ARHGEF28: variants seen among roughly 807,000 people sequenced by gnomAD.
The protein encoded by ARHGEF28 is 190 kDa guanine nucleotide exchange factor.
A neutral mutation model predicts 206.6 loss-of-function variants in ARHGEF28; 152 were observed. That is an observed-to-expected ratio of 0.74 (90% CI 0.64 to 0.84). ARHGEF28 has a LOEUF of 0.84. Ranked by LOEUF, ARHGEF28 falls within the 40% of genes least tolerant of loss-of-function variation. ARHGEF28 has a pLI of 0.00. For missense variants in ARHGEF28, 2,028 were observed against 2,073.2 expected, an observed-to-expected ratio of 0.98 and a Z score of 0.42; for synonymous variants, 763 against 776.4, an observed-to-expected ratio of 0.98 and a Z score of 0.29.
Position 73,806,920 on chromosome 5 carries a change from T to C in ARHGEF28, c.1024+11529T>C, listed in dbSNP as rs1286922681. On this transcript the variant is annotated intron_variant, in intron 9 of 35. Transcript: ENST00000513042. Reference sequence around the variant, plus strand: ...ATCTAAATATAAACAATATAAAATCTATATACAATATATAAATCTTTATAT... The same window carrying C: ...ATCTAAATATAAACAATATAAAATCCATATACAATATATAAATCTTTATAT... 2.7e-5 allele frequency among the ~76,000 whole-genome samples: 4 copies of C among 147,556 alleles called. No homozygotes were observed. The East Asian group carries it at 7.8e-4, about 29-fold the overall frequency.
intron 1 of ARHGEF28, among the ~76,000 whole-genome samples, chr5:73,636,556 C>G (rs1223106126): frequency 6.6e-6 from 1 of 152,146 alleles, no homozygotes; most frequent in African/African-American, 2.4e-5. Flanking sequence ...CATTGAAAAA[C>G]AGTCTCTTTA....
rs998980847 is a variant in ARHGEF28 at position 73,894,324 on chromosome 5, C to T, written c.3659-69C>T. 22 of 1,427,028 alleles carry T rather than the reference C, an allele frequency of 1.5e-5. No homozygotes were observed. In the African/African-American group the frequency reaches 1.9e-4, roughly 12 times the overall value. The allele number at this position is 1,427,028 out of a possible 1,614,324, so 88.4% of individuals were successfully genotyped here. A position where few individuals can be genotyped will look rare whatever the true frequency, so the allele number is the denominator to read the frequency against. ...GCTTGCTAATTAGCAACATCTTTTT[C>T]GTGGACTTTCACATTAGTGGTTGTA... On this transcript the variant is annotated intron_variant, in intron 28 of 35. Coordinates refer to ENST00000513042, the MANE Select transcript of ARHGEF28 (RefSeq NM_001177693.2).
At chr5:73,920,425 G>A (rs907030549) in intron 35 of ARHGEF28, among the ~76,000 whole-genome samples, 46 of 149,694 alleles carry the variant, frequency 3.1e-4, no homozygotes, top group Non-Finnish European at 5.7e-4. Context: ...TTCAGTTCTA[G>A]AGATCATCTT....
chr5:73,777,698 G>T (rs912521787), intron 6 of ARHGEF28, among the ~76,000 whole-genome samples: 1 of 152,128 alleles, frequency 6.6e-6, no homozygotes, highest in African/African-American at 2.4e-5. Context: ...AGGGAATTTG[G>T]TGTGTAATTT....
At chr5:73,639,561 G>A (rs1453745076) in intron 1 of ARHGEF28, among the ~76,000 whole-genome samples, 1 of 151,954 alleles carries the variant, frequency 6.6e-6, no homozygotes, top group Non-Finnish European at 1.5e-5. Flanking sequence ...GTTAGCCATA[G>A]TCTCTTTATT....
At chr5:73,656,009 C>A (rs1745174607) in intron 1 of ARHGEF28, among the ~76,000 whole-genome samples, 1 of 152,086 alleles carries the variant, frequency 6.6e-6, no homozygotes, top group South Asian at 2.1e-4. Flanking sequence ...TTCTAAGAAC[C>A]AGTTTTTGAA....
chr5:73,785,556 C>G (rs903501499), intron 7 of ARHGEF28, among the ~76,000 whole-genome samples: 3 of 152,132 alleles, frequency 2.0e-5, no homozygotes, highest in African/African-American at 7.2e-5. Context: ...CCTCGACATC[C>G]CACTTCAATT....
At chr5:73,828,882 G>A (rs557814030) in intron 9 of ARHGEF28, among the ~76,000 whole-genome samples, 42 of 151,694 alleles carry the variant, frequency 2.8e-4, no homozygotes, top group Non-Finnish European at 5.4e-4. Flanking sequence ...GTGTAGTGGC[G>A]CTATCACAGC....
intron 22 of ARHGEF28, among the ~76,000 whole-genome samples, chr5:73,877,375 C>T (rs1049062097): frequency 6.7e-6 from 1 of 149,690 alleles, no homozygotes; most frequent in Non-Finnish European, 1.5e-5. Context: ...AAAACCAGCT[C>T]CTGGATTCAT....
chr5:73,680,434 C>CA (rs71615795), intron 1 of ARHGEF28, among the ~76,000 whole-genome samples: 17,801 of 30,398 alleles, frequency 0.59, 6,172 homozygotes, highest in East Asian at 0.9. Context: ...GACTCCATCT[C>CA]AAAAAAAAAA....
intron 4 of ARHGEF28, among the ~76,000 whole-genome samples, chr5:73,754,387 C>T (rs1382118160): frequency 6.6e-6 from 1 of 152,064 alleles, no homozygotes; most frequent in Non-Finnish European, 1.5e-5. Context: ...CAGCACCGAG[C>T]CATGCCTGAA....
intron 35 of ARHGEF28, among the ~76,000 whole-genome samples, chr5:73,935,378 G>T (rs896077848): frequency 1.3e-5 from 2 of 152,172 alleles, no homozygotes; most frequent in East Asian, 3.9e-4. Context: ...GTTTGCTTCA[G>T]ATATAAACTC....
intron 9 of ARHGEF28, among the ~76,000 whole-genome samples, chr5:73,830,745 C>A (rs1757246004): frequency 6.6e-6 from 1 of 152,028 alleles, no homozygotes; most frequent in Non-Finnish European, 1.5e-5. Context: ...ATGATGTCCT[C>A]ATTACCTTCC....
At chr5:73,647,363 A>T (rs1218321551) in intron 1 of ARHGEF28, among the ~76,000 whole-genome samples, 1 of 152,204 alleles carries the variant, frequency 6.6e-6, no homozygotes, top group East Asian at 1.9e-4. Context: ...TCAAAATCTG[A>T]ACCACTTCTT....
intron 12 of ARHGEF28, among the ~76,000 whole-genome samples, chr5:73,847,067 A>G (rs998290902): frequency 1.3e-5 from 2 of 152,154 alleles, no homozygotes; most frequent in African/African-American, 4.8e-5. Context: ...AAAAAACTAA[A>G]TACATTGCTC....
intron 2 of ARHGEF28, among the ~76,000 whole-genome samples, chr5:73,710,002 A>G (rs1749150897): frequency 6.6e-6 from 1 of 152,220 alleles, no homozygotes; most frequent in South Asian, 2.1e-4. Flanking sequence ...TTTCATGCTT[A>G]TGAATAATGC....
chr5:73,729,390 T>A (rs1039313994), intron 2 of ARHGEF28, among the ~76,000 whole-genome samples: 2 of 152,154 alleles, frequency 1.3e-5, no homozygotes, highest in African/African-American at 4.8e-5. Flanking sequence ...TAAGAACATA[T>A]CCTCTGGGCT....
At chr5:73,805,785 C>T (rs571346323) in intron 9 of ARHGEF28, among the ~76,000 whole-genome samples, 3 of 152,102 alleles carry the variant, frequency 2.0e-5, no homozygotes, top group Admixed American at 2.0e-4. Context: ...GGTTAGGATA[C>T]ATTTATATAT....
chr5:73,665,843 A>C (rs1340231424), intron 1 of ARHGEF28, among the ~76,000 whole-genome samples: 2 of 152,184 alleles, frequency 1.3e-5, no homozygotes, highest in Non-Finnish European at 2.9e-5. Context: ...GGACACATTC[A>C]AACCATAGCA....
Sources: gnomAD v4.1 joint callset for allele counts (sites outside exome capture counted in the v4.1 genomes callset) on GRCh38, gnomAD v4.1.1 for gene constraint, MANE v1.5 for transcripts, NCBI Gene and HGNC (gene_info 2026-07-23, HGNC 2026-07-21) for gene names.